CEMIP2: variants seen among roughly 807,000 people sequenced by gnomAD.
The protein encoded by CEMIP2 is cell migration inducing hyaluronidase 2, also known as cell surface hyaluronidase CEMIP2.
A neutral mutation model predicts 146.9 loss-of-function variants in CEMIP2; 79 were observed. That is an observed-to-expected ratio of 0.54 (90% confidence interval 0.45 to 0.65). The LOEUF (loss-of-function observed/expected upper bound fraction) is 0.65. Among genes scored for constraint, CEMIP2 ranks in the 30% least tolerant of loss-of-function variants. The probability of loss-of-function intolerance (pLI) is 0.00; values close to 1 mark genes in which losing one functional copy is unlikely to be tolerated. For synonymous variants in CEMIP2, 601 were observed against 606.3 expected (o/e 0.99, Z 0.13); for missense variants, 1,596 against 1,696.2 (o/e 0.94, Z 1.04).
chr9:71,739,290 C>G (rs950233105), intron 5 of CEMIP2, among the ~76,000 whole-genome samples: 1 of 137,200 alleles, frequency 7.3e-6, no homozygotes, highest in Non-Finnish European at 1.5e-5. Flanking sequence ...TTGCTTGAAC[C>G]TGGGAGGCGG....
chr9:71,694,726 G>T, intron 20 of CEMIP2, 119 bp from the exon 21 acceptor site: 1 of 653,274 alleles, frequency 1.5e-6, no homozygotes, highest in Non-Finnish European at 2.7e-6. Flanking sequence ...TGAACTTTTT[G>T]TACATATTTC....
In CEMIP2 at chr9:71,690,160, T is replaced by C. The variant is rs1412183564; in HGVS notation, c.3783A>G (p.Glu1261=). ...CATCAGCAAGAGGAAAAACCGTTTTTTCCGTCAAGCGGAATGGAACGCTGC... is the reference window on the plus strand; with the variant it reads ...CATCAGCAAGAGGAAAAACCGTTTTCTCCGTCAAGCGGAATGGAACGCTGC... ...DPCSVPFRLT[E]KTVFPLADVS... Residue 1261 remains glutamate, a synonymous_variant, in exon 22 of 24, where the codon GAA becomes GAG. Coordinates refer to ENST00000377044, the MANE Select transcript of CEMIP2 (RefSeq NM_013390.3). The C allele has an allele frequency of 3.7e-6, 6 of 1,614,072 alleles. No individual in the cohort carries two copies. The highest frequency in any genetic ancestry group is 3.3e-5 in the South Asian group (3 of 91,084).
chr9:71,687,203 T>C (rs1822088772), intron 22 of CEMIP2: 1 of 152,212 alleles, frequency 6.6e-6, no homozygotes, highest in South Asian at 2.1e-4. Context: ...CAGTATCAAC[T>C]GTCAAGTACA....
intron 1 of CEMIP2, among the ~76,000 whole-genome samples, chr9:71,767,291 C>G (rs1427047338): frequency 6.6e-6 from 1 of 152,142 alleles, no homozygotes; most frequent in Admixed American, 6.6e-5. Flanking sequence ...ACCCTTTCCC[C>G]TCTCTCTAAA....
rs1368121645 is a variant in CEMIP2 at position 71,734,979 on chromosome 9, C to G, written c.1220G>C (p.Gly407Ala). 6.2e-7 allele frequency: 1 copy of G among 1,603,490 alleles called. No homozygotes were observed. The highest frequency in any genetic ancestry group is 2.2e-5 in the East Asian group (1 of 44,650). Residue 407 changes from glycine (G) to alanine (A), a missense_variant, in exon 6 of 24, where the codon GGA becomes GCA. Coordinates refer to ENST00000377044, the MANE Select transcript of CEMIP2 (RefSeq NM_013390.3). Reference protein sequence around the residue: ...SEWIEGVSLSGFRVEVVDGVK... With the variant: ...SEWIEGVSLSAFRVEVVDGVK... The stretch of plus-strand genomic sequence containing the variant: ...TCCATCTACAACCTCTACCCGGAAT[C>G]CTGAAAGAGAAACGCCTAAACCAAA...
chr9:71,724,810 C>T (rs549737538), intron 11 of CEMIP2, among the ~76,000 whole-genome samples: 4 of 152,210 alleles, frequency 2.6e-5, no homozygotes, highest in Admixed American at 2.6e-4. Context: ...ACTCTACCAG[C>T]CACTGTGAAT....
At chr9:71,704,340 T>G in intron 18 of CEMIP2, 1 of 496,974 alleles carries the variant, frequency 2.0e-6, no homozygotes, top group Non-Finnish European at 3.6e-6. Flanking sequence ...TCAGCAGTAT[T>G]AAAACCTATC....
chr9:71,722,541 A>G, intron 11 of CEMIP2, 26 bp from the exon 12 acceptor site: 1 of 1,515,148 alleles, frequency 6.6e-7, no homozygotes, highest in Non-Finnish European at 9.1e-7. Context: ...AATGGACTGG[A>G]ATGAATATGA....
intron 22 of CEMIP2, among the ~76,000 whole-genome samples, chr9:71,688,576 T>C (rs1433832934): frequency 6.6e-6 from 1 of 151,768 alleles, no homozygotes; most frequent in East Asian, 1.9e-4. Flanking sequence ...TTAGTAGAGA[T>C]GAGGTTTCAC....
At chr9:71,713,268 C>T (rs543676117) in intron 15 of CEMIP2, among the ~76,000 whole-genome samples, 35 of 152,060 alleles carry the variant, frequency 2.3e-4, no homozygotes, top group African/African-American at 7.7e-4. Flanking sequence ...TCACGATATC[C>T]GATGGTTTTA....
At chr9:71,728,261 G>GTATATA (rs1164205843) in intron 10 of CEMIP2, among the ~76,000 whole-genome samples, 4 of 5,028 alleles carry the variant, frequency 8.0e-4, no homozygotes, top group African/African-American at 1.6e-3. Flanking sequence ...GTATATACAC[G>GTATATA]TATATATATA....
chr9:71,726,646 G>A (rs1451330557), intron 10 of CEMIP2, among the ~76,000 whole-genome samples: 1 of 152,128 alleles, frequency 6.6e-6, no homozygotes, highest in Non-Finnish European at 1.5e-5. Flanking sequence ...GAGTCCATTG[G>A]GAGGAGAGAT....
At chr9:71,746,427 ATCTGC>A in intron 2 of CEMIP2, 86 bp from the exon 3 acceptor site, 2 of 1,509,354 alleles carry the variant, frequency 1.3e-6, no homozygotes, top group Admixed American at 1.9e-5. Flanking sequence ...TTTACTGCAG[ATCTGC>A]AAAAAATGTG....
At chr9:71,737,484 A>T (rs897328738) in intron 5 of CEMIP2, among the ~76,000 whole-genome samples, 1 of 152,212 alleles carries the variant, frequency 6.6e-6, no homozygotes, top group Admixed American at 6.5e-5. Context: ...AGAAGAACAC[A>T]TTCACTTTGG....
At chr9:71,688,457 C>A (rs575686665) in intron 22 of CEMIP2, among the ~76,000 whole-genome samples, 22 of 152,030 alleles carry the variant, frequency 1.4e-4, no homozygotes, top group African/African-American at 5.3e-4. Context: ...GTGGTACAAT[C>A]TTGGCTCACT....
chr9:71,692,150 G>A (rs1470088696), intron 21 of CEMIP2, among the ~76,000 whole-genome samples: 2 of 151,042 alleles, frequency 1.3e-5, no homozygotes, highest in Non-Finnish European at 3.0e-5. Flanking sequence ...AACCCCTAAT[G>A]CAATCCCAGA....
chr9:71,693,427 C>G (rs1822293363), intron 21 of CEMIP2, among the ~76,000 whole-genome samples: 1 of 152,174 alleles, frequency 6.6e-6, no homozygotes. Flanking sequence ...TTCCATCAAG[C>G]CACTTAGAAA....
Position 71,714,782 on chromosome 9 carries a change from C to T in CEMIP2, c.2591+152G>A, listed in dbSNP as rs1056357025. 5.9e-6 allele frequency: 4 copies of T among 675,032 alleles called. No individual in the cohort carries two copies. In the African/African-American group the frequency reaches 7.4e-5, roughly 12 times the overall value. The allele number at this position is 675,032 out of a possible 1,614,324, so 41.8% of individuals were successfully genotyped here. On this transcript the variant is annotated intron_variant, in intron 15 of 23. Coordinates refer to ENST00000377044, the MANE Select transcript of CEMIP2 (RefSeq NM_013390.3). ...ATAATTATAATAGTAGTAGCAGTAG[C>T]AGCTGTAGCAGTAGTAGTAATAAAT...
chr9:71,692,286 G>C (rs534941372), intron 21 of CEMIP2, among the ~76,000 whole-genome samples: 1 of 145,712 alleles, frequency 6.9e-6, no homozygotes, highest in South Asian at 2.2e-4. Context: ...CTGGGGCATA[G>C]CCTGCCTGAT....
Sources: allele counts gnomAD v4.1 joint callset (sites outside exome capture counted in the v4.1 genomes callset), GRCh38; gene constraint gnomAD v4.1.1; transcripts MANE v1.5; gene names NCBI Gene and HGNC (gene_info 2026-07-23, HGNC 2026-07-21).